Variants in PRKCA observed in about 807,000 individuals in gnomAD.
PRKCA encodes protein kinase C alpha.
Under a neutral mutation model 87.0 loss-of-function variants are expected in PRKCA, and 27 were observed. That is an observed-to-expected ratio of 0.31 (90% confidence interval 0.23 to 0.43). The LOEUF (loss-of-function observed/expected upper bound fraction) is 0.43. PRKCA is among the 20% of genes least tolerant of loss of function. The probability of loss-of-function intolerance (pLI) is 1.00; values close to 1 mark genes in which losing one functional copy is unlikely to be tolerated. For synonymous variants in PRKCA, 329 were observed against 311.1 expected, an observed-to-expected ratio of 1.06 and a Z score of -0.61; for missense variants, 518 against 852.3, an observed-to-expected ratio of 0.61 and a Z score of 4.88.
At chr17:66,509,742 G>T (rs537120442) in intron 3 of PRKCA, among the ~76,000 whole-genome samples, 1 of 152,274 alleles carries the variant, frequency 6.6e-6, no homozygotes, top group Admixed American at 6.5e-5. Flanking sequence ...GTGGAACCTG[G>T]GGGTATGAGT....
intron 2 of PRKCA, among the ~76,000 whole-genome samples, chr17:66,447,188 G>T (rs1332578675): frequency 6.6e-6 from 1 of 152,212 alleles, no homozygotes; most frequent in Non-Finnish European, 1.5e-5. Context: ...GTCATGTGTA[G>T]ACAGGGAAGT....
chr17:66,589,918 A>G (rs138216907), intron 3 of PRKCA, among the ~76,000 whole-genome samples: 1 of 152,324 alleles, frequency 6.6e-6, no homozygotes, highest in Non-Finnish European at 1.5e-5. Flanking sequence ...AGGAGGGCAT[A>G]GCCTAGATCT....
intron 2 of PRKCA, among the ~76,000 whole-genome samples, chr17:66,425,744 G>A (rs1464074766): frequency 2.0e-5 from 3 of 152,102 alleles, no homozygotes; most frequent in Admixed American, 1.3e-4. Flanking sequence ...ATTTGTTTGC[G>A]TGTATCTTAC....
intron 3 of PRKCA, among the ~76,000 whole-genome samples, chr17:66,507,595 T>A (rs1917033369): frequency 6.6e-6 from 1 of 152,198 alleles, no homozygotes; most frequent in African/African-American, 2.4e-5. Context: ...CAGGAGCATG[T>A]AGGGCTGATG....
intron 5 of PRKCA, among the ~76,000 whole-genome samples, chr17:66,686,597 C>G (rs565044509): frequency 9.2e-5 from 14 of 152,310 alleles, no homozygotes; most frequent in African/African-American, 3.4e-4. Context: ...CCCCAACCCC[C>G]ATGTGATTCC....
chr17:66,413,275 G>T (rs544820334), intron 2 of PRKCA, among the ~76,000 whole-genome samples: 7 of 152,298 alleles, frequency 4.6e-5, no homozygotes, highest in Admixed American at 3.9e-4. Flanking sequence ...TATTATAAAG[G>T]ATATTTCAAG....
chr17:66,475,719 C>T (rs751025702), intron 2 of PRKCA, among the ~76,000 whole-genome samples: 6 of 152,050 alleles, frequency 3.9e-5, no homozygotes, highest in Non-Finnish European at 7.3e-5. Flanking sequence ...CTTCTTGATA[C>T]CTGTGTCTTA....
rs914693099 is a variant in PRKCA, at chr17:66,534,584, G to A, written c.288+38301G>A. On this transcript the variant is annotated intron_variant, in intron 3 of 16. Coordinates refer to ENST00000413366, the MANE Select transcript of PRKCA (RefSeq NM_002737.3). Reference sequence around the variant, plus strand: ...CGGGAGGCTGAGGCAGGAGAATGGCGTGAACCCGGGAGGCGGAGCTTGCAG... The same window carrying A: ...CGGGAGGCTGAGGCAGGAGAATGGCATGAACCCGGGAGGCGGAGCTTGCAG... 9.2e-5 allele frequency among the ~76,000 whole-genome samples: 14 copies of A among 152,180 alleles called. No homozygotes were observed. The East Asian group carries it at 2.5e-3, about 27-fold the overall frequency.
At chr17:66,397,864 A>G (rs1251722001) in intron 2 of PRKCA, among the ~76,000 whole-genome samples, 1 of 152,154 alleles carries the variant, frequency 6.6e-6, no homozygotes, top group Non-Finnish European at 1.5e-5. Flanking sequence ...GACATTGTTC[A>G]TGGCCTCTGC....
At chr17:66,608,999 G>A (rs1970281386) in intron 3 of PRKCA, among the ~76,000 whole-genome samples, 1 of 152,188 alleles carries the variant, frequency 6.6e-6, no homozygotes, top group Non-Finnish European at 1.5e-5. Context: ...GGCGAACGAG[G>A]CCATGCAGTT....
At chr17:66,650,403 C>A (rs1436871000) in intron 5 of PRKCA, among the ~76,000 whole-genome samples, 1 of 151,428 alleles carries the variant, frequency 6.6e-6, no homozygotes, top group Non-Finnish European at 1.5e-5. Context: ...GTTTTCTACA[C>A]TCTAGTGTGT....
chr17:66,733,003 T>A (rs1973940705), intron 9 of PRKCA, among the ~76,000 whole-genome samples, 178 bp downstream of exon 9: 1 of 151,882 alleles, frequency 6.6e-6, no homozygotes, highest in Non-Finnish European at 1.5e-5. Context: ...TACAAAAAAT[T>A]AGCTGGGCAT....
chr17:66,628,245 A>G (rs1202293382), intron 3 of PRKCA, among the ~76,000 whole-genome samples: 1 of 152,114 alleles, frequency 6.6e-6, no homozygotes, highest in African/African-American at 2.4e-5. Context: ...TCTGGCTTTT[A>G]TCCTTGGGAA....
At chr17:66,331,238 G>A (rs556280869) in intron 2 of PRKCA, among the ~76,000 whole-genome samples, 4 of 152,190 alleles carry the variant, frequency 2.6e-5, no homozygotes, top group East Asian at 1.9e-4. Context: ...ACTGTATCTC[G>A]TGCTTCCTGT....
At chr17:66,753,477 G>A (rs1974481063) in intron 13 of PRKCA, among the ~76,000 whole-genome samples, 2 of 152,196 alleles carry the variant, frequency 1.3e-5, no homozygotes, top group Non-Finnish European at 2.9e-5. Context: ...AAGTGGGGTG[G>A]CCCATGTCAA....
chr17:66,508,063 A>G (rs1390405767), intron 3 of PRKCA, among the ~76,000 whole-genome samples: 1 of 152,178 alleles, frequency 6.6e-6, no homozygotes, highest in Non-Finnish European at 1.5e-5. Context: ...ATAACAATCA[A>G]ATGAACCCAC....
intron 3 of PRKCA, among the ~76,000 whole-genome samples, chr17:66,505,017 CCTT>C (rs1361440955): frequency 6.6e-6 from 1 of 152,154 alleles, no homozygotes; most frequent in Non-Finnish European, 1.5e-5. Flanking sequence ...CCGCAGATAC[CCTT>C]CTTCACTTGC....
At position 66,608,242 on chromosome 17, in the gene PRKCA, C is replaced by T. The variant is rs193087638; in HGVS notation, c.289-33113C>T. Reference sequence around the variant, plus strand: ...GGAGCTTGGTTATTGTGCAGTGTTCCCACTTACCTAATCATCACTTTGTTG... The same window carrying T: ...GGAGCTTGGTTATTGTGCAGTGTTCTCACTTACCTAATCATCACTTTGTTG... On this transcript the variant is annotated intron_variant, in intron 3 of 16. Coordinates refer to ENST00000413366, the MANE Select transcript of PRKCA (RefSeq NM_002737.3). Among the ~76,000 whole-genome samples the T allele has an allele frequency of 1.8e-4, 27 of 152,174 alleles. No individual in the cohort carries two copies. In the East Asian group the frequency reaches 1.9e-3, roughly 11 times the overall value.
intron 3 of PRKCA, among the ~76,000 whole-genome samples, chr17:66,637,287 A>G (rs1971173150): frequency 6.6e-6 from 1 of 152,142 alleles, no homozygotes; most frequent in Non-Finnish European, 1.5e-5. Context: ...GCCATTCTTT[A>G]TTAATTTAGT....
Sources: allele counts gnomAD v4.1 joint callset (sites outside exome capture counted in the v4.1 genomes callset), GRCh38; gene constraint gnomAD v4.1.1; transcripts MANE v1.5; gene names NCBI Gene and HGNC (gene_info 2026-07-23, HGNC 2026-07-21).